CDK14: variants seen among roughly 807,000 people sequenced by gnomAD.
CDK14 encodes cyclin-dependent kinase 14.
CDK14 carries 34 observed loss-of-function variants against 60.7 expected under a neutral mutation model. That is an observed-to-expected ratio of 0.56 (90% CI 0.43 to 0.75). The LOEUF (loss-of-function observed/expected upper bound fraction) is 0.75. Ranked by LOEUF, CDK14 falls within the 30% of genes least tolerant of loss-of-function variation. CDK14 has a pLI of 0.00. For synonymous variants in CDK14, 197 were observed against 203.7 expected (o/e 0.97, Z 0.28); for missense variants, 482 against 564.1 (o/e 0.85, Z 1.47).
intron 10 of CDK14, among the ~76,000 whole-genome samples, chr7:91,030,793 C>G (rs2115935159): frequency 6.6e-6 from 1 of 152,310 alleles, no homozygotes; most frequent in East Asian, 1.9e-4. Context: ...AGTCACCGTT[C>G]CCTTTCAGTT....
At chr7:91,029,317 A>T (rs1796688767) in intron 10 of CDK14, among the ~76,000 whole-genome samples, 1 of 151,958 alleles carries the variant, frequency 6.6e-6, no homozygotes, top group Admixed American at 6.6e-5. Context: ...TTTTGGTTTC[A>T]TATGAATTGT....
At chr7:90,857,284 C>T (rs1307524583) in intron 5 of CDK14, among the ~76,000 whole-genome samples, 7 of 152,072 alleles carry the variant, frequency 4.6e-5, no homozygotes, top group Non-Finnish European at 1.0e-4. Context: ...AGTGGGATGC[C>T]AAGGTTTGAG....
intron 2 of CDK14, among the ~76,000 whole-genome samples, chr7:90,646,007 T>C (rs1272313037): frequency 6.6e-6 from 1 of 152,192 alleles, no homozygotes; most frequent in Non-Finnish European, 1.5e-5. Context: ...GTGGAGTCTG[T>C]GGGCAGGAGC....
At chr7:90,930,841 A>T (rs1267357023) in intron 8 of CDK14, among the ~76,000 whole-genome samples, 1 of 152,102 alleles carries the variant, frequency 6.6e-6, no homozygotes, top group African/African-American at 2.4e-5. Flanking sequence ...TTAATGTGAG[A>T]GCATTGATTT....
chr7:91,198,768 G>A lies in CDK14; in HGVS notation c.*29-8397G>A, dbSNP rs118149428. 3.3e-3 allele frequency among the ~76,000 whole-genome samples: 497 copies of A among 152,300 alleles called. 3 individuals are homozygous for A. The highest frequency in any genetic ancestry group is 5.2e-3 in the Non-Finnish European group (355 of 68,022). On this transcript the variant is annotated intron_variant, in intron 14 of 14. Coordinates refer to ENST00000380050, the MANE Select transcript of CDK14 (RefSeq NM_001287135.2). ...AACAGGTTCAAAGTCGTAGGTGACT[G>A]TATGTTTGGAATTCGAAACCCTAAG...
intron 14 of CDK14, among the ~76,000 whole-genome samples, chr7:91,131,092 A>AT (rs71695551): frequency 0.051 from 7,477 of 147,694 alleles, 337 homozygotes; most frequent in East Asian, 0.18. Flanking sequence ...TTAGTTTTTT[A>AT]TTTTTTTTTT....
At chr7:90,714,613 C>G (rs1007646284) in intron 2 of CDK14, among the ~76,000 whole-genome samples, 1 of 152,018 alleles carries the variant, frequency 6.6e-6, no homozygotes, top group African/African-American at 2.4e-5. Context: ...TCCCAGTGTT[C>G]CTCTTCATAA....
intron 5 of CDK14, among the ~76,000 whole-genome samples, chr7:90,799,898 A>G (rs1033376465): frequency 4.6e-5 from 7 of 152,126 alleles, no homozygotes; most frequent in African/African-American, 7.2e-5. Flanking sequence ...GAAAAAATTT[A>G]TTTATAAAAG....
chr7:91,182,901 A>G (rs1802047537), intron 14 of CDK14, among the ~76,000 whole-genome samples: 1 of 152,198 alleles, frequency 6.6e-6, no homozygotes, highest in South Asian at 2.1e-4. Flanking sequence ...ATAAATGTTG[A>G]GGAATAAATT....
intron 5 of CDK14, among the ~76,000 whole-genome samples, chr7:90,801,475 A>G (rs1788628842): frequency 6.6e-6 from 1 of 152,174 alleles, no homozygotes; most frequent in Non-Finnish European, 1.5e-5. Context: ...CAAGTTAGTG[A>G]GTATGATTGA....
At chr7:90,712,287 A>G (rs1802093610) in intron 2 of CDK14, among the ~76,000 whole-genome samples, 1 of 151,906 alleles carries the variant, frequency 6.6e-6, no homozygotes, top group Non-Finnish European at 1.5e-5. Context: ...TGCTCTCATT[A>G]AATAGTAACT....
intron 11 of CDK14, among the ~76,000 whole-genome samples, chr7:91,049,774 C>T (rs1797340225): frequency 6.6e-6 from 1 of 152,128 alleles, no homozygotes; most frequent in African/African-American, 2.4e-5. Context: ...ATTTCCTGAG[C>T]ACCACTTATA....
At chr7:90,716,648 G>T (rs1039483182) in intron 2 of CDK14, among the ~76,000 whole-genome samples, 2 of 151,818 alleles carry the variant, frequency 1.3e-5, no homozygotes, top group African/African-American at 4.8e-5. Context: ...GTATATTATT[G>T]CACATTTTAT....
At chr7:90,784,584 A>G (rs1439348287) in intron 4 of CDK14, among the ~76,000 whole-genome samples, 3 of 152,248 alleles carry the variant, frequency 2.0e-5, no homozygotes, top group African/African-American at 7.2e-5. Flanking sequence ...TTAATTTAAG[A>G]CAAACTAGTT....
Position 91,112,714 on chromosome 7 carries a change from A to G in CDK14, c.1294+33A>G, listed in dbSNP as rs755877575. The G allele has an allele frequency of 3.6e-5, 58 of 1,607,750 alleles. No homozygotes were observed. In the Admixed American group the frequency reaches 6.2e-4, roughly 17 times the overall value. On this transcript the variant is annotated intron_variant, in intron 13 of 14. Transcript: ENST00000380050. The stretch of plus-strand genomic sequence containing the variant: ...TGACAAATCCACAACATCCAGTCCA[A>G]GCAGACACATCATTTTATTTTGGCA...
chr7:90,812,591 C>T (rs1053843501), intron 5 of CDK14, among the ~76,000 whole-genome samples: 72 of 152,166 alleles, frequency 4.7e-4, no homozygotes, highest in African/African-American at 1.6e-3. Context: ...ACATTGTGCA[C>T]ATGTACCCCA....
chr7:90,739,463 T>A (rs1402176460), intron 3 of CDK14, among the ~76,000 whole-genome samples: 1 of 152,210 alleles, frequency 6.6e-6, no homozygotes, highest in Admixed American at 6.5e-5. Flanking sequence ...TTTCAAGTAG[T>A]AAGTTTAATA....
At chr7:90,629,981 A>G (rs1368629750) in intron 2 of CDK14, among the ~76,000 whole-genome samples, 2 of 152,076 alleles carry the variant, frequency 1.3e-5, no homozygotes, top group African/African-American at 2.4e-5. Context: ...GAGCCAAGAT[A>G]GCGGCCAAGA....
chr7:91,208,197 T>G lies in CDK14; in HGVS notation c.*1061T>G, dbSNP rs1236893231. On this transcript the variant is annotated 3_prime_UTR_variant, in exon 15 of 15. Transcript: ENST00000380050. ...AAGCCAATTGGAAGACATCATTGGG[T>G]TCTTACTTTAAGACATCTCCTGGAA... is the stretch of plus-strand genomic sequence containing the variant. 6.6e-6 allele frequency: 1 copy of G among 152,570 alleles called. No homozygotes were observed. The highest frequency in any genetic ancestry group is 1.5e-5 in the Non-Finnish European group (1 of 68,024). 9.5% of individuals were successfully genotyped at this position (152,570 alleles called of 1,614,324 possible).
Sources: allele counts gnomAD v4.1 joint callset (sites outside exome capture counted in the v4.1 genomes callset), GRCh38; gene constraint gnomAD v4.1.1; transcripts MANE v1.5; gene names NCBI Gene and HGNC (gene_info 2026-07-23, HGNC 2026-07-21).